Variants in TMEM143 observed in about 807,000 individuals in gnomAD.
TMEM143 encodes transmembrane protein 143.
Under a neutral mutation model 40.3 loss-of-function variants are expected in TMEM143, and 45 were observed. The ratio of observed to expected loss-of-function variants is 1.12; its 90% CI spans 0.88 to 1.43. TMEM143 has a LOEUF of 1.43. TMEM143 is among the 40% of genes most tolerant of loss of function. The probability of loss-of-function intolerance (pLI) is 0.00; values close to 1 mark genes in which losing one functional copy is unlikely to be tolerated. For synonymous variants in TMEM143, 299 were observed against 282.7 expected (o/e 1.06, Z -0.58); for missense variants, 620 against 613.4 (o/e 1.01, Z -0.11).
chr19:48,349,367 G>T (rs1401719998), intron 3 of TMEM143, among the ~76,000 whole-genome samples: 1 of 152,170 alleles, frequency 6.6e-6, no homozygotes, highest in East Asian at 1.9e-4. Flanking sequence ...CCTCGGACAG[G>T]GGCAGTGGCT....
At chr19:48,344,845 T>A (rs1396745345) in intron 4 of TMEM143, among the ~76,000 whole-genome samples, 1 of 152,206 alleles carries the variant, frequency 6.6e-6, no homozygotes, top group African/African-American at 2.4e-5. Context: ...TAGCTGGGAT[T>A]ACAGGCACCT....
chr19:48,349,883 G>A (rs1196135128), intron 3 of TMEM143, among the ~76,000 whole-genome samples: 1 of 152,130 alleles, frequency 6.6e-6, no homozygotes, highest in Non-Finnish European at 1.5e-5. Flanking sequence ...CAATAAGGTC[G>A]ACACTGGCCA....
At chr19:48,350,348 G>A (rs1166285392) in intron 3 of TMEM143, among the ~76,000 whole-genome samples, 2 of 151,918 alleles carry the variant, frequency 1.3e-5, no homozygotes, top group African/African-American at 2.4e-5. Context: ...CTACTATAAC[G>A]GACAGTTCCA....
rs544787964 is a variant in TMEM143, at chr19:48,360,148, G to A, written c.293C>T (p.Ala98Val). The A allele has an allele frequency of 2.8e-4, 450 of 1,613,956 alleles. 2 individuals are homozygous for A. The highest frequency in any genetic ancestry group is 3.7e-4 in the Non-Finnish European group (432 of 1,179,994). ...GTGGGCCGAGAACGCCTCCAAAGCC[G>A]CCTTCTCTGCCGGACTCGAGTGGAA... ...QEFHSSPAEK[A>V]ALEAFSAHVD... The change falls in exon 3 of 8, where the codon GCG becomes GTG. Residue 98 changes from alanine (A) to valine (V), a missense_variant. Physicochemically the swap from Ala to Val is moderately conservative, Grantham distance 64. Transcript: ENST00000293261.
intron 1 of TMEM143, 171 bp from the exon 2 acceptor site, chr19:48,363,702 C>G (rs1490861345): frequency 7.3e-7 from 1 of 1,370,700 alleles, no homozygotes; most frequent in East Asian, 2.5e-5. Context: ...CTCAGTTGGC[C>G]TGGGTCCCAG....
At chr19:48,344,048 G>A (rs1398730262) in intron 4 of TMEM143, among the ~76,000 whole-genome samples, 4 of 151,020 alleles carry the variant, frequency 2.6e-5, no homozygotes, top group African/African-American at 7.3e-5. Context: ...CACCATGCCT[G>A]GCTAATTTTT....
At chr19:48,348,253 A>G (rs577135502) in intron 3 of TMEM143, among the ~76,000 whole-genome samples, 9 of 152,264 alleles carry the variant, frequency 5.9e-5, no homozygotes, top group Non-Finnish European at 1.2e-4. Flanking sequence ...TCTTCTGGAA[A>G]CTTCACATCC....
rs774959466 is a variant in TMEM143, at chr19:48,360,146, C to T, written c.295G>A (p.Ala99Thr). ...ACGTGGGCCGAGAACGCCTCCAAAG[C>T]CGCCTTCTCTGCCGGACTCGAGTGG... ...EFHSSPAEKA[A>T]LEAFSAHVDF... Residue 99 changes from alanine (A) to threonine (T), a missense_variant, in exon 3 of 8, where the codon GCT becomes ACT. Coordinates refer to ENST00000293261, the MANE Select transcript of TMEM143 (RefSeq NM_018273.4). 2.5e-6 allele frequency: 4 copies of T among 1,614,026 alleles called. No homozygotes were observed. The highest frequency in any genetic ancestry group is 4.5e-5 in the East Asian group (2 of 44,892).
At chr19:48,352,506 G>A (rs1413726495) in intron 3 of TMEM143, among the ~76,000 whole-genome samples, 1 of 151,484 alleles carries the variant, frequency 6.6e-6, no homozygotes, top group African/African-American at 2.4e-5. Context: ...CGGGCACGGT[G>A]GCTCACACCT....
chr19:48,363,368 G>A lies in TMEM143; in HGVS notation c.187C>T (p.Pro63Ser), dbSNP rs774181117. ...CGGTACTGCTGGGCCCAGTCGCGGG[G>A]CTCCCTGGGGTTCCACATCTTGCGA... is the stretch of plus-strand genomic sequence containing the variant. ...EYRKMWNPRE[P>S]RDWAQQYRER... The change falls in exon 2 of 8, where the codon CCC becomes TCC. Residue 63 changes from proline (P) to serine (S), a missense_variant. Physicochemically the swap from Pro to Ser is moderately conservative, Grantham distance 74. Transcript: ENST00000293261. 1 of 1,614,190 alleles carries A rather than the reference G, an allele frequency of 6.2e-7. No homozygotes were observed. The highest frequency in any genetic ancestry group is 1.1e-5 in the South Asian group (1 of 91,090).
At chr19:48,350,468 C>T (rs1256055653) in intron 3 of TMEM143, among the ~76,000 whole-genome samples, 1 of 152,168 alleles carries the variant, frequency 6.6e-6, no homozygotes. Context: ...CCATCGCCCT[C>T]ATGGTCTGAA....
chr19:48,356,819 C>A (rs1401582986), intron 3 of TMEM143, among the ~76,000 whole-genome samples: 1 of 150,690 alleles, frequency 6.6e-6, no homozygotes, highest in Non-Finnish European at 1.5e-5. Flanking sequence ...GTCTCGAACT[C>A]CTGACCTCAG....
At chr19:48,353,372 C>T (rs748245407) in intron 3 of TMEM143, among the ~76,000 whole-genome samples, 8 of 151,384 alleles carry the variant, frequency 5.3e-5, no homozygotes, top group African/African-American at 9.7e-5. Flanking sequence ...TTAGTAGAGA[C>T]GGGTTTTCAC....
rs149734771 is a variant in TMEM143, at chr19:48,333,220, CAGG to C, written c.1376_1378del (p.Ser459del). The C allele has an allele frequency of 2.7e-4, 399 of 1,481,224 alleles. No homozygotes were observed. Among genetic ancestry groups the C allele is most frequent in the Non-Finnish European group, 1.3e-4 (147 of 1,102,542 alleles). 91.8% of individuals were successfully genotyped at this position (1,481,224 alleles called of 1,614,324 possible). On this transcript the variant is annotated inframe_deletion, in exon 8 of 8. Coordinates refer to ENST00000293261, the MANE Select transcript of TMEM143 (RefSeq NM_018273.4). This position sits in a 1 kb window ranked among gnomAD's most constrained non-coding sequence, Gnocchi z 4.1. Reference sequence around the variant, plus strand: ...ACTGGGCAGGGAGGTAGGTTCTACTCAGGAGATGTTACTGCTGGGCGTGGCTTG... The same window carrying C: ...ACTGGGCAGGGAGGTAGGTTCTACTCAGATGTTACTGCTGGGCGTGGCTTG...
chr19:48,339,227 G>C (rs552340093), intron 6 of TMEM143, among the ~76,000 whole-genome samples: 1 of 152,286 alleles, frequency 6.6e-6, no homozygotes, highest in East Asian at 1.9e-4. Context: ...CCAGTGACTG[G>C]CGGGATGACA....
rs1164841533 is a variant in TMEM143, at chr19:48,345,143, C to T, written c.564+17G>A. The T allele has an allele frequency of 6.2e-7, 1 of 1,611,288 alleles. No homozygotes were observed. The highest frequency in any genetic ancestry group is 1.1e-5 in the South Asian group (1 of 90,994). ...AGAGGCCTCCTGGGAGTTTTGTTCT[C>T]CTAGGGAGCCAAGTACCTGGACCTC... On this transcript the variant is annotated intron_variant, in intron 4 of 7. Coordinates refer to ENST00000293261, the MANE Select transcript of TMEM143 (RefSeq NM_018273.4).
At chr19:48,357,394 G>T (rs1422719861) in intron 3 of TMEM143, among the ~76,000 whole-genome samples, 9 of 34,668 alleles carry the variant, frequency 2.6e-4, no homozygotes, top group African/African-American at 1.0e-3. Context: ...TCACTCTATC[G>T]CCCAGCTGGA....
Position 48,345,444 on chromosome 19 carries a change from TC to T in TMEM143, c.370-91del, listed in dbSNP as rs1969602108. ...TAAGGACATCCCTCTCCAGATACTT[TC>T]ATTTATTTATTTATTTATTTATTTA... On this transcript the variant is annotated intron_variant, in intron 3 of 7. Coordinates refer to ENST00000293261, the MANE Select transcript of TMEM143 (RefSeq NM_018273.4). 3 of 738,582 alleles carry T rather than the reference TC, an allele frequency of 4.1e-6. No homozygotes were observed. The Middle Eastern group carries it at 9.6e-4, about 236-fold the overall frequency. The allele number at this position is 738,582 out of a possible 1,614,324, so 45.8% of individuals were successfully genotyped here.
intron 6 of TMEM143, among the ~76,000 whole-genome samples, chr19:48,335,901 G>T (rs1255957393): frequency 6.6e-6 from 1 of 151,506 alleles, no homozygotes; most frequent in Non-Finnish European, 1.5e-5. Context: ...CTCAAAAAAA[G>T]AAAAAAGTTA....
Sources: allele counts gnomAD v4.1 joint callset (sites outside exome capture counted in the v4.1 genomes callset), GRCh38; gene constraint gnomAD v4.1.1; non-coding constraint Gnocchi (gnomAD v3.1); transcripts MANE v1.5; gene names NCBI Gene and HGNC (gene_info 2026-07-23, HGNC 2026-07-21).